The following TMTC1 variants were observed in gnomAD, a reference collection of about 807,000 sequenced individuals.
TMTC1 encodes protein O-mannosyl-transferase TMTC1.
TMTC1 carries 73 observed loss-of-function variants against 104.8 expected under a neutral mutation model. The observed-to-expected ratio is 0.70, with a 90% confidence interval of 0.58 to 0.85. TMTC1 has a LOEUF of 0.85. TMTC1 is among the 40% of genes least tolerant of loss of function. The pLI, the probability that TMTC1 is intolerant of heterozygous loss-of-function variation, is 0.00. For synonymous variants in TMTC1, 434 were observed against 428.7 expected (o/e 1.01, Z -0.15); for missense variants, 1,035 against 1,096.1 (o/e 0.94, Z 0.79).
chr12:29,605,825 G>A (rs542778065), intron 6 of TMTC1, among the ~76,000 whole-genome samples: 2 of 152,094 alleles, frequency 1.3e-5, no homozygotes, highest in African/African-American at 4.8e-5. Context: ...AGTGAAAATC[G>A]TACCCAATAG....
chr12:29,554,032 T>C (rs1945174266), intron 10 of TMTC1, among the ~76,000 whole-genome samples: 1 of 152,212 alleles, frequency 6.6e-6, no homozygotes, highest in African/African-American at 2.4e-5. Context: ...TGTAGCGCTA[T>C]ATAATCCAGG....
intron 1 of TMTC1, among the ~76,000 whole-genome samples, chr12:29,780,665 AT>A (rs35122251): frequency 0.33 from 50,126 of 152,008 alleles, 10,164 homozygotes; most frequent in Admixed American, 0.52. Context: ...AATAAAAAAA[AT>A]AGAAGTACAT....
intron 12 of TMTC1, 87 bp from the exon 13 acceptor site, chr12:29,518,694 C>A (rs1944060929): frequency 1.0e-5 from 15 of 1,499,844 alleles, no homozygotes; most frequent in Non-Finnish European, 1.4e-5. Context: ...ACTTATAATT[C>A]TTTCTCATTA....
intron 10 of TMTC1, among the ~76,000 whole-genome samples, chr12:29,550,727 C>T (rs750804651): frequency 7.2e-5 from 11 of 152,182 alleles, no homozygotes; most frequent in South Asian, 2.1e-4. Flanking sequence ...GATGGATCTT[C>T]TTGCTGAAGA....
Position 29,517,430 on chromosome 12 carries a change from T to C in TMTC1, c.2166A>G (p.Ala722=). 1 of 1,614,090 alleles carries C rather than the reference T, an allele frequency of 6.2e-7. No individual in the cohort carries two copies. Among genetic ancestry groups the C allele is most frequent in the Non-Finnish European group, 8.5e-7 (1 of 1,180,008 alleles). ...CATTTTCTTTCATCCTACTCACCAGTGCCAAGCGGAGCTCCCTCTGAGAAG... is the reference window on the plus strand; with the variant it reads ...CATTTTCTTTCATCCTACTCACCAGCGCCAAGCGGAGCTCCCTCTGAGAAG... The part of the protein sequence containing the change: ...LQPSQRELRL[A]LAQVLAVMGQ... Residue 722 remains alanine (A), a synonymous_variant, in exon 14 of 18, where the codon GCA becomes GCG. Transcript: ENST00000539277.
At chr12:29,572,736 C>G (rs145720706) in intron 8 of TMTC1, among the ~76,000 whole-genome samples, 10 of 152,204 alleles carry the variant, frequency 6.6e-5, no homozygotes, top group African/African-American at 2.4e-4. Flanking sequence ...TAATTACAAA[C>G]GCTTTTCCTT....
chr12:29,633,201 G>C lies in TMTC1; in HGVS notation c.1074C>G (p.Ile358Met). Residue 358 changes from isoleucine to methionine, a missense_variant, in exon 6 of 18, where the codon ATC (isoleucine) becomes ATG (methionine). Coordinates refer to ENST00000539277, the MANE Select transcript of TMTC1 (RefSeq NM_001193451.2). ...ATAAGGCCATCACAACCGCCAGAAA[G>C]ATGGTGGCTAAGTTCCGCATGTCCC... ...TIWDMRNLATIFLAVVMALLS... is the reference protein window; with the variant it reads ...TIWDMRNLATMFLAVVMALLS... The C allele has an allele frequency of 6.2e-7, 1 of 1,614,046 alleles. No homozygotes were observed. The highest frequency in any genetic ancestry group is 8.5e-7 in the Non-Finnish European group (1 of 1,179,978).
At chr12:29,698,042 G>T (rs1236534005) in intron 5 of TMTC1, among the ~76,000 whole-genome samples, 1 of 152,148 alleles carries the variant, frequency 6.6e-6, no homozygotes, top group African/African-American at 2.4e-5. Context: ...TTGGAAATCA[G>T]GAGGTGCTGG....
intron 7 of TMTC1, 89 bp downstream of exon 7, chr12:29,604,089 G>C: frequency 6.5e-7 from 1 of 1,550,128 alleles, no homozygotes; most frequent in Middle Eastern, 1.8e-4. Flanking sequence ...GGATCTAATG[G>C]TCTACACACA....
At chr12:29,541,006 A>AAAAC (rs904863612) in intron 10 of TMTC1, among the ~76,000 whole-genome samples, 24 of 152,100 alleles carry the variant, frequency 1.6e-4, no homozygotes, top group Non-Finnish European at 2.4e-4. Context: ...AAAAAAAATA[A>AAAAC]AAACAAACAA....
At chr12:29,530,122 C>G (rs1944460308) in intron 11 of TMTC1, 2 of 152,140 alleles carry the variant, frequency 1.3e-5, no homozygotes, top group African/African-American at 2.4e-5. Flanking sequence ...GACTTTCTTT[C>G]TACTTGAGAA....
chr12:29,517,389 C>A (rs904547054), intron 14 of TMTC1, 38 bp downstream of exon 14: 1 of 1,612,310 alleles, frequency 6.2e-7, no homozygotes, highest in African/African-American at 1.3e-5. Flanking sequence ...GCTGCCTGTG[C>A]TTAGGTTGCC....
intron 5 of TMTC1, among the ~76,000 whole-genome samples, chr12:29,725,014 CTTTTTTTTTTT>C (rs869135481): frequency 1.1e-5 from 1 of 90,402 alleles, no homozygotes; most frequent in Admixed American, 1.4e-4. Flanking sequence ...CTGCCAAGTT[CTTTTTTTTTTT>C]TTTTTTTTTT....
chr12:29,597,238 C>A (rs866448684), intron 7 of TMTC1, among the ~76,000 whole-genome samples: 1 of 132,432 alleles, frequency 7.6e-6, no homozygotes, highest in African/African-American at 2.8e-5. Context: ...TCTTTCTTTT[C>A]TTTCTTTTTT....
At chr12:29,781,523 T>C (rs372247506) in intron 1 of TMTC1, among the ~76,000 whole-genome samples, 4 of 152,292 alleles carry the variant, frequency 2.6e-5, no homozygotes, top group East Asian at 1.9e-4. Flanking sequence ...GTCTCCATTA[T>C]GAAGAAAAAT....
chr12:29,534,800 G>A (rs972191041), intron 11 of TMTC1: 4 of 152,020 alleles, frequency 2.6e-5, no homozygotes, highest in African/African-American at 4.8e-5. Context: ...ATATTCTAAC[G>A]GTGGCAGAAA....
intron 10 of TMTC1, among the ~76,000 whole-genome samples, chr12:29,541,932 C>T (rs758005697): frequency 6.6e-5 from 10 of 152,282 alleles, no homozygotes; most frequent in Middle Eastern, 3.4e-3. Flanking sequence ...ACTGGGATTA[C>T]AGGCATGAGC....
chr12:29,633,138 G>A lies in TMTC1; in HGVS notation c.1128+9C>T. 1 of 1,604,018 alleles carries A rather than the reference G, an allele frequency of 6.2e-7. No individual in the cohort carries two copies. Among genetic ancestry groups the A allele is most frequent in the Non-Finnish European group, 8.5e-7 (1 of 1,172,650 alleles). Reference sequence around the variant, plus strand: ...AATGCAGAGTTCATTCTACTTTTGAGAAAATTACCTTAAAGGCTGCTAAGC... The same window carrying A: ...AATGCAGAGTTCATTCTACTTTTGAAAAAATTACCTTAAAGGCTGCTAAGC... On this transcript the variant is annotated intron_variant, in intron 6 of 17. Coordinates refer to ENST00000539277, the MANE Select transcript of TMTC1 (RefSeq NM_001193451.2).
At chr12:29,644,439 A>G (rs1178491098) in intron 5 of TMTC1, among the ~76,000 whole-genome samples, 1 of 152,016 alleles carries the variant, frequency 6.6e-6, no homozygotes, top group Non-Finnish European at 1.5e-5. Flanking sequence ...TGGGTGCACC[A>G]AAATCTCACA....
Sources: allele counts gnomAD v4.1 joint callset (sites outside exome capture counted in the v4.1 genomes callset), GRCh38; gene constraint gnomAD v4.1.1; transcripts MANE v1.5; gene names NCBI Gene and HGNC (gene_info 2026-07-23, HGNC 2026-07-21).